Variants in MYO6 observed in about 807,000 individuals in gnomAD.
The protein encoded by MYO6 is myosin VI.
MYO6 carries 74 observed loss-of-function variants against 178.7 expected under a neutral mutation model. That is an observed-to-expected ratio of 0.41 (90% CI 0.34 to 0.50). The LOEUF is 0.50. MYO6 is among the 20% of genes least tolerant of loss of function. The probability of loss-of-function intolerance (pLI) is 0.09; values close to 1 mark genes in which losing one functional copy is unlikely to be tolerated. For synonymous variants in MYO6, 477 were observed against 504.6 expected (o/e 0.95, Z 0.73); for missense variants, 1,330 against 1,547.4 (o/e 0.86, Z 2.36).
intron 1 of MYO6, among the ~76,000 whole-genome samples, chr6:75,758,131 C>T (rs1777629323): frequency 6.6e-6 from 1 of 151,834 alleles, no homozygotes; most frequent in Non-Finnish European, 1.5e-5. Context: ...GCACGTGCCA[C>T]CATGCCCAGC....
intron 1 of MYO6, among the ~76,000 whole-genome samples, chr6:75,751,390 A>G (rs193273453): frequency 6.6e-6 from 1 of 152,314 alleles, no homozygotes; most frequent in East Asian, 1.9e-4. Context: ...ATTTAAGGAA[A>G]GATCATGATT....
chr6:75,781,144 TG>T (rs1310775334), intron 1 of MYO6, among the ~76,000 whole-genome samples: 1 of 152,074 alleles, frequency 6.6e-6, no homozygotes, highest in Non-Finnish European at 1.5e-5. Context: ...AATTGGGCCT[TG>T]GGCATCTAAA....
intron 30 of MYO6, among the ~76,000 whole-genome samples, chr6:75,905,638 A>G (rs965553251): frequency 3.9e-5 from 6 of 152,192 alleles, no homozygotes; most frequent in Non-Finnish European, 5.9e-5. Context: ...TAGTGAGATG[A>G]ACCTGGTACC....
chr6:75,895,185 G>A (rs768391263), intron 28 of MYO6, 46 bp from the exon 29 acceptor site: 1 of 1,474,330 alleles, frequency 6.8e-7, no homozygotes, highest in Non-Finnish European at 9.4e-7. Context: ...GATTTTCACA[G>A]TTCACAATTG....
At chr6:75,905,874 C>A (rs959976183) in intron 30 of MYO6, among the ~76,000 whole-genome samples, 1 of 152,180 alleles carries the variant, frequency 6.6e-6, no homozygotes, top group African/African-American at 2.4e-5. Flanking sequence ...TTTAAAGAAG[C>A]AAGGGCACCT....
intron 16 of MYO6, among the ~76,000 whole-genome samples, chr6:75,863,571 C>T (rs191621509): frequency 1.6e-4 from 25 of 152,046 alleles, no homozygotes; most frequent in Admixed American, 1.3e-3. Context: ...CTGCAACCTC[C>T]GCATCTTGGT....
intron 2 of MYO6, among the ~76,000 whole-genome samples, chr6:75,820,603 T>G (rs1348516173): frequency 6.6e-6 from 1 of 152,174 alleles, no homozygotes; most frequent in Admixed American, 6.5e-5. Flanking sequence ...ACTCCTGACC[T>G]CAGGTGATCC....
At chr6:75,881,922 G>C in intron 23 of MYO6, 104 bp downstream of exon 23, 1 of 1,375,158 alleles carries the variant, frequency 7.3e-7, no homozygotes, top group Non-Finnish European at 1.0e-6. Context: ...CAGAGACTGA[G>C]ACTTGTTCAC....
chr6:75,786,364 T>C (rs1767569032), intron 1 of MYO6, among the ~76,000 whole-genome samples: 1 of 152,240 alleles, frequency 6.6e-6, no homozygotes, highest in African/African-American at 2.4e-5. Context: ...GTCTTGGCTA[T>C]TCTTGGCCTT....
chr6:75,792,298 A>G (rs1285398170), intron 1 of MYO6, among the ~76,000 whole-genome samples: 1 of 152,192 alleles, frequency 6.6e-6, no homozygotes, highest in East Asian at 1.9e-4. Context: ...CACTTTATAG[A>G]TATTAATTAG....
chr6:75,869,639 C>T (rs1776975104), intron 18 of MYO6, among the ~76,000 whole-genome samples: 1 of 152,044 alleles, frequency 6.6e-6, no homozygotes, highest in Non-Finnish European at 1.5e-5. Flanking sequence ...AAAAATTTTA[C>T]ATAATTAACT....
intron 1 of MYO6, among the ~76,000 whole-genome samples, chr6:75,783,332 T>C (rs1767177485): frequency 6.6e-6 from 1 of 152,188 alleles, no homozygotes; most frequent in Admixed American, 6.5e-5. Flanking sequence ...TGATTTTGAA[T>C]GGGAAATATT....
At chr6:75,896,870 C>T (rs1017902411) in intron 29 of MYO6, among the ~76,000 whole-genome samples, 3 of 152,150 alleles carry the variant, frequency 2.0e-5, no homozygotes, top group African/African-American at 4.8e-5. Context: ...TAAATAAGCC[C>T]GCAATCAGTG....
chr6:75,874,961 C>G (rs1227390906), intron 20 of MYO6, among the ~76,000 whole-genome samples: 1 of 152,188 alleles, frequency 6.6e-6, no homozygotes, highest in Non-Finnish European at 1.5e-5. Flanking sequence ...TCTGGCCAAC[C>G]CTTTTAACAT....
rs115167176 is a variant in MYO6 at position 75,911,801 on chromosome 6, G to A, written c.3439+103G>A. 2.1e-4 allele frequency: 231 copies of A among 1,104,996 alleles called. No homozygotes were observed. The African/African-American group carries it at 3.3e-3, about 16-fold the overall frequency. The allele number at this position is 1,104,996 out of a possible 1,614,324, so 68.4% of individuals were successfully genotyped here. ...AAGTTGTTTTGCTACAATTTTCAGT[G>A]GAATTGTAGTGTGTTAAAGTTGTTA... is the stretch of plus-strand genomic sequence containing the variant. On this transcript the variant is annotated intron_variant, in intron 33 of 34. Transcript: ENST00000369977.
At chr6:75,767,512 A>G (rs1023187158) in intron 1 of MYO6, among the ~76,000 whole-genome samples, 1 of 151,352 alleles carries the variant, frequency 6.6e-6, no homozygotes, top group Non-Finnish European at 1.5e-5. Context: ...CACATGATTT[A>G]CAAATTCCTT....
intron 9 of MYO6, among the ~76,000 whole-genome samples, chr6:75,843,446 G>A (rs909389427): frequency 4.6e-5 from 7 of 152,160 alleles, no homozygotes; most frequent in African/African-American, 1.7e-4. Context: ...ATCCTTGAAT[G>A]TAAAGAAGGC....
chr6:75,907,820 G>A, intron 31 of MYO6, 112 bp downstream of exon 31: 2 of 784,162 alleles, frequency 2.6e-6, no homozygotes, highest in Non-Finnish European at 4.3e-6. Context: ...GTGTGTGTAT[G>A]TGTGTATGTA....
intron 25 of MYO6, among the ~76,000 whole-genome samples, chr6:75,888,354 C>G (rs1043144459): frequency 6.6e-6 from 1 of 151,982 alleles, no homozygotes; most frequent in East Asian, 1.9e-4. Flanking sequence ...ATGGCTCACA[C>G]CTGTAATCCC....
Sources: gnomAD v4.1 joint callset for allele counts (sites outside exome capture counted in the v4.1 genomes callset) on GRCh38, gnomAD v4.1.1 for gene constraint, MANE v1.5 for transcripts, NCBI Gene and HGNC (gene_info 2026-07-23, HGNC 2026-07-21) for gene names.